Variants in AGPAT4 observed in about 807,000 individuals in gnomAD.
The protein encoded by AGPAT4 is 1-acylglycerol-3-phosphate O-acyltransferase 4.
In AGPAT4, 15 loss-of-function variants were observed where a neutral mutation model predicts 48.0. The ratio of observed to expected loss-of-function variants is 0.31; its 90% confidence interval spans 0.21 to 0.48. The LOEUF (loss-of-function observed/expected upper bound fraction) is 0.48, where lower values mean the gene tolerates loss of function less well. Ranked by LOEUF, AGPAT4 falls within the 20% of genes least tolerant of loss-of-function variation. The pLI is 0.99. For synonymous variants in AGPAT4, 178 were observed against 198.7 expected, an observed-to-expected ratio of 0.90 and a Z score of 0.88; for missense variants, 314 against 482.5, an observed-to-expected ratio of 0.65 and a Z score of 3.27.
Position 161,165,865 on chromosome 6 carries a change from A to C in AGPAT4, c.348+383T>G. On this transcript the variant is annotated intron_variant, in intron 3 of 8. Coordinates refer to ENST00000320285, the MANE Select transcript of AGPAT4 (RefSeq NM_020133.3). The surrounding 1 kb of genome is among the most constrained non-coding windows in gnomAD (Gnocchi z 5.5). ...AGCCAAGGAGGCAGTAGAGCATGGA[A>C]TTAAGAAATATGGATGGGAGTGAAA... The C allele has an allele frequency of 1.7e-6, 1 of 585,804 alleles. No homozygotes were observed. Among genetic ancestry groups the C allele is most frequent in the Non-Finnish European group, 3.1e-6 (1 of 327,348 alleles). 36.3% of individuals were successfully genotyped at this position (585,804 alleles called of 1,614,324 possible).
chr6:161,134,515 G>A lies in AGPAT4; in HGVS notation c.*2025C>T, dbSNP rs1026281897. 1 of 152,154 alleles carries A rather than the reference G, an allele frequency of 6.6e-6. No homozygotes were observed. The highest frequency in any genetic ancestry group is 2.4e-5 in the African/African-American group (1 of 41,430). The allele number at this position is 152,154 out of a possible 1,614,324, so 9.4% of individuals were successfully genotyped here. On this transcript the variant is annotated 3_prime_UTR_variant, in exon 9 of 9. Transcript: ENST00000320285. ...GGCTTAGTGCTTTAGGATTCTTAAAGTGTGCTCTTTTACCCTTGACACACC... is the reference window on the plus strand; with the variant it reads ...GGCTTAGTGCTTTAGGATTCTTAAAATGTGCTCTTTTACCCTTGACACACC...
chr6:161,172,550 C>T (rs899668889), intron 2 of AGPAT4, among the ~76,000 whole-genome samples: 2 of 152,230 alleles, frequency 1.3e-5, no homozygotes, highest in Admixed American at 6.5e-5. Flanking sequence ...GGCCACAGGA[C>T]AGAAAGGGAA....
In AGPAT4 at chr6:161,140,089, C is replaced by T. The variant is rs573828788; in HGVS notation, c.844-469G>A. ...GCAGTCAGGAGGAGCTCGCCCAGCC[C>T]GGCCCGGCACATGCCCCGCCTTCCC... On this transcript the variant is annotated intron_variant, in intron 7 of 8. Coordinates refer to ENST00000320285, the MANE Select transcript of AGPAT4 (RefSeq NM_020133.3). This position sits in a 1 kb window ranked among gnomAD's most constrained non-coding sequence, Gnocchi z 6.5. Among the ~76,000 whole-genome samples, 5 of 152,328 alleles carry T rather than the reference C, an allele frequency of 3.3e-5. No individual in the cohort carries two copies. The South Asian group carries it at 6.2e-4, about 19-fold the overall frequency.
rs1781330069 is a variant in AGPAT4 at position 161,204,655 on chromosome 6, G to A, written c.178+27381C>T. On this transcript the variant is annotated intron_variant, in intron 2 of 8. Coordinates refer to ENST00000320285, the MANE Select transcript of AGPAT4 (RefSeq NM_020133.3). The surrounding 1 kb of genome is among the most constrained non-coding windows in gnomAD (Gnocchi z 4.4). The stretch of plus-strand genomic sequence containing the variant: ...AAACAAAATGTCAATCAAAATTGAT[G>A]TATGGTTGTTTGTCATCAGCAGCTG... Among the ~76,000 whole-genome samples the A allele has an allele frequency of 6.6e-6, 1 of 151,960 alleles. No homozygotes were observed. The highest frequency in any genetic ancestry group is 2.1e-4 in the South Asian group (1 of 4,810).
chr6:161,235,727 G>A lies in AGPAT4; in HGVS notation c.-89-3425C>T, dbSNP rs767370841. On this transcript the variant is annotated intron_variant, in intron 1 of 8. Transcript: ENST00000320285. The surrounding 1 kb of genome is among the most constrained non-coding windows in gnomAD (Gnocchi z 6.2). ...GGCAGGAGGAAGAGCGAGAGAGAGA[G>A]AAGGGGGAGGTGCCACACACTTTTA... Among the ~76,000 whole-genome samples, 19 of 152,242 alleles carry A rather than the reference G, an allele frequency of 1.2e-4. No individual in the cohort carries two copies. The highest frequency in any genetic ancestry group is 2.5e-4 in the Non-Finnish European group (17 of 68,022).
At chr6:161,252,110 T>C (rs7756707) in intron 1 of AGPAT4, among the ~76,000 whole-genome samples, 26,188 of 152,092 alleles carry the variant, frequency 0.17, 3,582 homozygotes, top group African/African-American at 0.37. Flanking sequence ...AGAACAGGAA[T>C]GTGTGCAGCA....
rs548748416 is a variant in AGPAT4 at position 161,220,496 on chromosome 6, C to A, written c.178+11540G>T. Among the ~76,000 whole-genome samples the A allele has an allele frequency of 3.1e-4, 47 of 152,252 alleles. No homozygotes were observed. The highest frequency in any genetic ancestry group is 6.0e-4 in the Non-Finnish European group (41 of 68,020). ...GTATATGGAACAACAGAACGGATGGCCTTGGTGAGATGACTTCATTTTATA... is the reference window on the plus strand; with the variant it reads ...GTATATGGAACAACAGAACGGATGGACTTGGTGAGATGACTTCATTTTATA... On this transcript the variant is annotated intron_variant, in intron 2 of 8. Transcript: ENST00000320285. The surrounding 1 kb of genome is among the most constrained non-coding windows in gnomAD (Gnocchi z 6.0).
chr6:161,258,419 C>T (rs1232350794), intron 1 of AGPAT4, among the ~76,000 whole-genome samples: 2 of 152,150 alleles, frequency 1.3e-5, no homozygotes, highest in Admixed American at 6.5e-5. Context: ...AAGTTATCTT[C>T]TCTGAATCTA....
chr6:161,172,645 T>TTTA (rs999988512), intron 2 of AGPAT4, among the ~76,000 whole-genome samples: 1 of 152,032 alleles, frequency 6.6e-6, no homozygotes, highest in African/African-American at 2.4e-5. Context: ...TTATTTTTTA[T>TTTA]TTATTATTAT....
At position 161,231,971 on chromosome 6, in the gene AGPAT4, A is replaced by T; in HGVS notation, c.178+65T>A. The T allele has an allele frequency of 6.7e-7, 1 of 1,484,880 alleles. No individual in the cohort carries two copies. Among genetic ancestry groups the T allele is most frequent in the East Asian group, 2.3e-5 (1 of 43,370 alleles). The allele number at this position is 1,484,880 out of a possible 1,614,324, so 92.0% of individuals were successfully genotyped here. On this transcript the variant is annotated intron_variant, in intron 2 of 8. Coordinates refer to ENST00000320285, the MANE Select transcript of AGPAT4 (RefSeq NM_020133.3). The surrounding 1 kb of genome is among the most constrained non-coding windows in gnomAD (Gnocchi z 5.3). ...ACGAAAGCCTAGTGAATCCATATCA[A>T]GAGCCATAATTCTGATACACACATC...
intron 3 of AGPAT4, among the ~76,000 whole-genome samples, chr6:161,162,333 G>A (rs1583293161): frequency 1.3e-5 from 2 of 152,370 alleles, no homozygotes; most frequent in African/African-American, 4.8e-5. Context: ...AGTATGGATA[G>A]AAAGGATGGG....
chr6:161,222,515 G>A lies in AGPAT4; in HGVS notation c.178+9521C>T, dbSNP rs7770756. ...TACTTAATAATATTTAGGGTATAAC[G>A]TGGTTCAAGGAAATAATGACCCAGC... is the stretch of plus-strand genomic sequence containing the variant. On this transcript the variant is annotated intron_variant, in intron 2 of 8. Coordinates refer to ENST00000320285, the MANE Select transcript of AGPAT4 (RefSeq NM_020133.3). The surrounding 1 kb of genome is among the most constrained non-coding windows in gnomAD (Gnocchi z 5.9). Among the ~76,000 whole-genome samples the A allele has an allele frequency of 4.0e-5, 6 of 151,530 alleles. No homozygotes were observed. Among genetic ancestry groups the A allele is most frequent in the East Asian group, 1.9e-4 (1 of 5,178 alleles).
At chr6:161,213,422 T>C (rs981796694) in intron 2 of AGPAT4, among the ~76,000 whole-genome samples, 7 of 152,254 alleles carry the variant, frequency 4.6e-5, no homozygotes, top group African/African-American at 1.4e-4. Context: ...AGTTTTATCT[T>C]ACATTTTTCA....
At chr6:161,172,701 T>A (rs1454071122) in intron 2 of AGPAT4, among the ~76,000 whole-genome samples, 9 of 152,190 alleles carry the variant, frequency 5.9e-5, no homozygotes, top group Non-Finnish European at 2.9e-5. Context: ...CATGCAGGTT[T>A]GTTACATATG....
Position 161,208,154 on chromosome 6 carries a change from T to G in AGPAT4, c.178+23882A>C, listed in dbSNP as rs1417800740. ...AATTCTAATAAGAAAAAAACTGAAC[T>G]GTCAGAAAAACAGATTTTCTGAAAA... On this transcript the variant is annotated intron_variant, in intron 2 of 8. Transcript: ENST00000320285. The surrounding 1 kb of genome is among the most constrained non-coding windows in gnomAD (Gnocchi z 4.6). Among the ~76,000 whole-genome samples the G allele has an allele frequency of 6.6e-6, 1 of 152,128 alleles. No individual in the cohort carries two copies. Among genetic ancestry groups the G allele is most frequent in the African/African-American group, 2.4e-5 (1 of 41,422 alleles).
intron 1 of AGPAT4, among the ~76,000 whole-genome samples, chr6:161,257,411 C>G (rs772762499): frequency 3.3e-5 from 5 of 152,168 alleles, no homozygotes; most frequent in Non-Finnish European, 7.3e-5. Context: ...CACTGATTGT[C>G]TGAGCTACAG....
chr6:161,263,461 G>A (rs1225012070), intron 1 of AGPAT4, among the ~76,000 whole-genome samples: 1 of 152,030 alleles, frequency 6.6e-6, no homozygotes, highest in Non-Finnish European at 1.5e-5. Flanking sequence ...ACTGCACTCT[G>A]GCCTGGACAA....
chr6:161,239,742 G>C (rs966075759), intron 1 of AGPAT4, among the ~76,000 whole-genome samples: 1 of 152,126 alleles, frequency 6.6e-6, no homozygotes, highest in Admixed American at 6.5e-5. Flanking sequence ...TTCCAAACTA[G>C]GCTTTTTGTT....
rs139612951 is a variant in AGPAT4 at position 161,249,798 on chromosome 6, C to A, written c.-89-17496G>T. ...CAGAAATATCATTCGACCCAGCAAT[C>A]CCATTACTGGTTATACACCCAAAGG... On this transcript the variant is annotated intron_variant, in intron 1 of 8. Coordinates refer to ENST00000320285, the MANE Select transcript of AGPAT4 (RefSeq NM_020133.3). This position sits in a 1 kb window ranked among gnomAD's most constrained non-coding sequence, Gnocchi z 6.2. Among the ~76,000 whole-genome samples the A allele has an allele frequency of 0.017, 2,643 of 152,296 alleles. 84 individuals are homozygous for A. The highest frequency in any genetic ancestry group is 0.06 in the African/African-American group (2,498 of 41,556).
Sources: gnomAD v4.1 joint callset for allele counts (sites outside exome capture counted in the v4.1 genomes callset) on GRCh38, gnomAD v4.1.1 for gene constraint, Gnocchi (gnomAD v3.1) non-coding constraint, MANE v1.5 for transcripts, NCBI Gene and HGNC (gene_info 2026-07-23, HGNC 2026-07-21) for gene names.